The following KCNG2 variants were observed in gnomAD, a reference collection of about 807,000 sequenced individuals.
KCNG2 encodes the protein potassium voltage-gated channel modifier subfamily G member 2, also known as voltage-gated potassium channel regulatory subunit KCNG2.
In KCNG2, 7 loss-of-function variants were observed where a neutral mutation model predicts 12.3. The observed-to-expected ratio is 0.57, with a 90% confidence interval of 0.32 to 1.07. The LOEUF is 1.07. Among genes scored for constraint, KCNG2 ranks in the 50% least tolerant of loss-of-function variants. The pLI, the probability that KCNG2 is intolerant of heterozygous loss-of-function variation, is 0.04. For synonymous variants in KCNG2, 414 were observed against 351.4 expected (o/e 1.18, Z -1.99); for missense variants, 703 against 726.0 (o/e 0.97, Z 0.36).
intron 3 of KCNG2, among the ~76,000 whole-genome samples, chr18:79,872,793 G>A (rs1251258310): frequency 6.6e-6 from 1 of 152,208 alleles, no homozygotes; most frequent in Non-Finnish European, 1.5e-5. Flanking sequence ...CAAAGCTGTT[G>A]AGATTAAGTT....
chr18:79,846,477 TCA>T, intron 1 of KCNG2, among the ~76,000 whole-genome samples: 1 of 133,296 alleles, frequency 7.5e-6, no homozygotes, highest in Non-Finnish European at 1.7e-5. Flanking sequence ...ACATGTGAAC[TCA>T]TATGTGTATC....
intron 1 of KCNG2, among the ~76,000 whole-genome samples, chr18:79,815,924 A>G (rs2087524842): frequency 6.6e-6 from 1 of 152,210 alleles, no homozygotes; most frequent in Admixed American, 6.5e-5. Context: ...GAATTTGGCC[A>G]CCACGTAAAA....
chr18:79,817,029 C>T (rs950458258), intron 1 of KCNG2, among the ~76,000 whole-genome samples: 4 of 151,838 alleles, frequency 2.6e-5, no homozygotes, highest in East Asian at 1.9e-4. Flanking sequence ...ACGGTTGTCA[C>T]GCAGCTGCCA....
At position 79,803,828 on chromosome 18, in the gene KCNG2, T is replaced by G. The variant is rs2087429374; in HGVS notation, c.-115+5814T>G. On this transcript the variant is annotated intron_variant, in intron 1 of 3. Coordinates refer to ENST00000316249, the MANE Select transcript of KCNG2 (RefSeq NM_012283.2). The surrounding 1 kb of genome is among the most constrained non-coding windows in gnomAD (Gnocchi z 4.5). ...GCCTGAGACTGGGCTGCCTCCAAGT[T>G]TCTCCTCACTGTGATGGCCCCGGGG... 1.3e-5 allele frequency among the ~76,000 whole-genome samples: 2 copies of G among 152,096 alleles called. No homozygotes were observed. The highest frequency in any genetic ancestry group is 2.9e-5 in the Non-Finnish European group (2 of 68,004).
At chr18:79,856,912 C>G (rs536163425) in intron 2 of KCNG2, among the ~76,000 whole-genome samples, 11 of 151,564 alleles carry the variant, frequency 7.3e-5, no homozygotes, top group Non-Finnish European at 5.9e-5. Context: ...TTGTAGGGCT[C>G]GGGAAATCTC....
At chr18:79,826,695 G>T (rs552513381) in intron 1 of KCNG2, among the ~76,000 whole-genome samples, 1 of 148,220 alleles carries the variant, frequency 6.7e-6, no homozygotes. Flanking sequence ...AGCTCCTCAC[G>T]GAAGGTTAGT....
chr18:79,852,426 G>A (rs950199078), intron 1 of KCNG2, among the ~76,000 whole-genome samples: 2 of 152,224 alleles, frequency 1.3e-5, no homozygotes, highest in African/African-American at 4.8e-5. Context: ...GCCCGTGCAC[G>A]GTCAGAATCT....
At chr18:79,814,313 T>C (rs1024025938) in intron 1 of KCNG2, among the ~76,000 whole-genome samples, 1 of 152,236 alleles carries the variant, frequency 6.6e-6, no homozygotes, top group Admixed American at 6.5e-5. Flanking sequence ...TTTCATAATG[T>C]TATTACTAAC....
intron 1 of KCNG2, among the ~76,000 whole-genome samples, chr18:79,833,310 T>G (rs1199963510): frequency 6.6e-6 from 1 of 152,140 alleles, no homozygotes; most frequent in East Asian, 1.9e-4. Flanking sequence ...TAATTTCTTG[T>G]TTATTTTTTT....
intron 1 of KCNG2, among the ~76,000 whole-genome samples, chr18:79,825,450 G>A (rs1386994288): frequency 6.6e-6 from 1 of 152,206 alleles, no homozygotes; most frequent in African/African-American, 2.4e-5. Flanking sequence ...TGATGTCTGG[G>A]TCCATAAAAA....
At chr18:79,818,418 C>A (rs1056158498) in intron 1 of KCNG2, among the ~76,000 whole-genome samples, 1 of 152,208 alleles carries the variant, frequency 6.6e-6, no homozygotes, top group African/African-American at 2.4e-5. Context: ...AGCCCCAGGG[C>A]GGCCCCTCCC....
At chr18:79,866,017 G>A (rs375971836) in intron 3 of KCNG2, among the ~76,000 whole-genome samples, 1 of 104,980 alleles carries the variant, frequency 9.5e-6, no homozygotes, top group Admixed American at 9.5e-5. Flanking sequence ...GAGAGGTCTG[G>A]GTGCTGAGAG....
In KCNG2 at chr18:79,900,071, G is replaced by A. The variant is rs1223153397; in HGVS notation, c.*255G>A. On this transcript the variant is annotated 3_prime_UTR_variant, in exon 4 of 4. Transcript: ENST00000316249. The stretch of plus-strand genomic sequence containing the variant: ...TTGGATTTTTAATTTTCTACGCCTA[G>A]CTAAAAATAAATTTAGTAAGTCCGA... The A allele has an allele frequency of 2.8e-6, 1 of 356,154 alleles. No individual in the cohort carries two copies. Among genetic ancestry groups the A allele is most frequent in the Non-Finnish European group, 5.0e-6 (1 of 199,444 alleles). 22.1% of individuals were successfully genotyped at this position (356,154 alleles called of 1,614,324 possible). A position where few individuals can be genotyped will look rare whatever the true frequency, so the allele number is the denominator to read the frequency against.
intron 1 of KCNG2, among the ~76,000 whole-genome samples, chr18:79,824,225 C>A (rs1294120035): frequency 6.6e-6 from 1 of 152,198 alleles, no homozygotes; most frequent in Non-Finnish European, 1.5e-5. Context: ...TCTTGAACTC[C>A]TGGACTCAAG....
intron 1 of KCNG2, among the ~76,000 whole-genome samples, chr18:79,814,994 C>A (rs1568243369): frequency 1.3e-5 from 2 of 151,174 alleles, no homozygotes; most frequent in Non-Finnish European, 2.9e-5. Context: ...AGGAAGTCTT[C>A]CCAGAGAAAA....
rs1007034207 is a variant in KCNG2, at chr18:79,864,277, G to A, written c.610G>A (p.Ala204Thr). ...CCTGAGCACCATGCCGGACATCCGC[G>A]CCGAGGAGGAGCGGGTGAGCGCGGC... Reference protein sequence around the residue: ...LCLSTMPDIRAEEERGECSPK... With the variant: ...LCLSTMPDIRTEEERGECSPK... The change falls in exon 3 of 4, where the codon GCC (alanine) becomes ACC (threonine). Residue 204 changes from alanine to threonine, a missense_variant. Physicochemically the swap from Ala to Thr is moderately conservative, Grantham distance 58. Coordinates refer to ENST00000316249, the MANE Select transcript of KCNG2 (RefSeq NM_012283.2). 7.8e-6 allele frequency: 12 copies of A among 1,536,480 alleles called. No individual in the cohort carries two copies. In the African/African-American group the frequency reaches 1.4e-4, roughly 18 times the overall value.
chr18:79,832,784 T>C (rs894266549), intron 1 of KCNG2, among the ~76,000 whole-genome samples: 3 of 152,236 alleles, frequency 2.0e-5, no homozygotes, highest in African/African-American at 4.8e-5. Context: ...TAAGCAGCCT[T>C]AGAAGAGTGT....
intron 1 of KCNG2, among the ~76,000 whole-genome samples, chr18:79,824,082 A>C (rs193037171): frequency 6.6e-6 from 1 of 152,316 alleles, no homozygotes; most frequent in South Asian, 2.1e-4. Flanking sequence ...GGCTCACTGC[A>C]GCCTCCGCCC....
intron 1 of KCNG2, among the ~76,000 whole-genome samples, chr18:79,852,902 CCT>C (rs1211265849): frequency 6.6e-6 from 1 of 152,260 alleles, no homozygotes; most frequent in Non-Finnish European, 1.5e-5. Context: ...GATGCAGCCT[CCT>C]ACCTTAGCAG....
Sources: allele counts gnomAD v4.1 joint callset (sites outside exome capture counted in the v4.1 genomes callset), GRCh38; gene constraint gnomAD v4.1.1; non-coding constraint Gnocchi (gnomAD v3.1); transcripts MANE v1.5; gene names NCBI Gene and HGNC (gene_info 2026-07-23, HGNC 2026-07-21).